The following ASCC3 variants were observed in gnomAD, a reference collection of about 807,000 sequenced individuals.
The protein encoded by ASCC3 is activating signal cointegrator 1 complex subunit 3.
Under a neutral mutation model 256.3 loss-of-function variants are expected in ASCC3, and 158 were observed. The observed-to-expected ratio is 0.62, with a 90% CI of 0.54 to 0.70. ASCC3 has a LOEUF of 0.70. ASCC3 is among the 30% of genes least tolerant of loss of function. The pLI, the probability that ASCC3 is intolerant of heterozygous loss-of-function variation, is 0.00. For synonymous variants in ASCC3, 948 were observed against 883.4 expected, an observed-to-expected ratio of 1.07 and a Z score of -1.30; for missense variants, 2,259 against 2,626.0, an observed-to-expected ratio of 0.86 and a Z score of 3.05.
chr6:100,829,220 C>T (rs1054337923), intron 4 of ASCC3, among the ~76,000 whole-genome samples: 7 of 152,294 alleles, frequency 4.6e-5, no homozygotes, highest in Non-Finnish European at 5.9e-5. Context: ...CAGACCCGCA[C>T]CGTGCACCTG....
At chr6:100,705,391 G>A (rs1201039092) in intron 13 of ASCC3, among the ~76,000 whole-genome samples, 1 of 151,980 alleles carries the variant, frequency 6.6e-6, no homozygotes, top group Non-Finnish European at 1.5e-5. Flanking sequence ...TCCAAATAAG[G>A]AGAAACAAAT....
Position 100,832,036 on chromosome 6 carries a change from T to A in ASCC3, c.801+16112A>T, listed in dbSNP as rs545553675. ...CAGAAGTAAATAGATTTTAAAAAAA[T>A]TTTAAAGTATTGAAGAGATGGAAGA... On this transcript the variant is annotated intron_variant, in intron 4 of 41. Coordinates refer to ENST00000369162, the MANE Select transcript of ASCC3 (RefSeq NM_006828.4). Among the ~76,000 whole-genome samples, 13 of 152,178 alleles carry A rather than the reference T, an allele frequency of 8.5e-5. No individual in the cohort carries two copies. The East Asian group carries it at 9.7e-4, about 11-fold the overall frequency.
chr6:100,752,243 G>A (rs745996039), intron 10 of ASCC3, among the ~76,000 whole-genome samples: 1 of 151,784 alleles, frequency 6.6e-6, no homozygotes, highest in Non-Finnish European at 1.5e-5. Flanking sequence ...ATATTATCTT[G>A]CTGGTTTGTG....
intron 1 of ASCC3, among the ~76,000 whole-genome samples, chr6:100,873,132 T>TATAATAAATAAA (rs144017505): frequency 1.3e-5 from 2 of 151,668 alleles, no homozygotes. Context: ...TTATGGAAAT[T>TATAATAAATAAA]TAAATAAACA....
intron 36 of ASCC3, among the ~76,000 whole-genome samples, chr6:100,562,509 A>G (rs1407319036): frequency 1.3e-5 from 2 of 152,096 alleles, no homozygotes; most frequent in Non-Finnish European, 2.9e-5. Flanking sequence ...CTATTGTTTG[A>G]CAAACATAAA....
intron 8 of ASCC3, among the ~76,000 whole-genome samples, chr6:100,779,172 A>T (rs944154804): frequency 6.6e-6 from 1 of 152,214 alleles, no homozygotes; most frequent in African/African-American, 2.4e-5. Context: ...ATGAAATAAT[A>T]TGCATTCATT....
At chr6:100,826,093 C>T (rs1423644132) in intron 4 of ASCC3, among the ~76,000 whole-genome samples, 2 of 151,698 alleles carry the variant, frequency 1.3e-5, no homozygotes, top group African/African-American at 4.8e-5. Flanking sequence ...AATTTTTTTT[C>T]CACATGAACT....
In ASCC3 at chr6:100,870,216, C is replaced by T. The variant is rs542144952; in HGVS notation, c.-41-2178G>A. Among the ~76,000 whole-genome samples, 44 of 70,216 alleles carry T rather than the reference C, an allele frequency of 6.3e-4. 2 individuals are homozygous for T. The East Asian group carries it at 0.021, about 33-fold the overall frequency. 46.1% of individuals were successfully genotyped at this position (70,216 alleles called of 152,430 possible). On this transcript the variant is annotated intron_variant, in intron 1 of 41. Transcript: ENST00000369162. ...TAAAAAATGCATATTTTTAAAAATG[C>T]ATTTTTAATGCATTTTTTAATGCAT...
chr6:100,843,238 G>C (rs1772230781), intron 4 of ASCC3, among the ~76,000 whole-genome samples: 1 of 152,062 alleles, frequency 6.6e-6, no homozygotes, highest in Admixed American at 6.5e-5. Context: ...ATGCAAATAA[G>C]TTCCAAAAAA....
intron 13 of ASCC3, among the ~76,000 whole-genome samples, chr6:100,710,187 GC>G (rs1276680401): frequency 2.0e-5 from 3 of 152,100 alleles, no homozygotes; most frequent in African/African-American, 7.2e-5. Flanking sequence ...TACCCACAGG[GC>G]ATTTTTAGCC....
At chr6:100,858,442 T>C in intron 3 of ASCC3, 1 of 461,470 alleles carries the variant, frequency 2.2e-6, no homozygotes, top group Non-Finnish European at 2.8e-6. Context: ...GTATGTTTTC[T>C]CCAAGTTTTT....
intron 8 of ASCC3, among the ~76,000 whole-genome samples, chr6:100,796,520 T>G (rs1769622664): frequency 6.6e-6 from 1 of 152,062 alleles, no homozygotes; most frequent in Non-Finnish European, 1.5e-5. Context: ...TACGGTTAAA[T>G]GAAGTCATGA....
chr6:100,509,106 T>C lies in ASCC3; in HGVS notation c.*280A>G, dbSNP rs1448682238. 1.7e-5 allele frequency: 7 copies of C among 411,462 alleles called. No individual in the cohort carries two copies. Among genetic ancestry groups the C allele is most frequent in the Non-Finnish European group, 2.7e-5 (6 of 220,200 alleles). The allele number at this position is 411,462 out of a possible 1,614,324, so 25.5% of individuals were successfully genotyped here. ...TTTGATTGATAGCTCCTAAATATCA[T>C]CCCAAATATACACAAATTAAAAGAT... On this transcript the variant is annotated 3_prime_UTR_variant, in exon 42 of 42. Coordinates refer to ENST00000369162, the MANE Select transcript of ASCC3 (RefSeq NM_006828.4).
chr6:100,540,489 A>G, intron 36 of ASCC3, 102 bp from the exon 37 acceptor site: 1 of 975,456 alleles, frequency 1.0e-6, no homozygotes, highest in African/African-American at 1.6e-5. Flanking sequence ...AAAATCATAC[A>G]ATAACCATAT....
At chr6:100,834,300 T>C (rs1463124736) in intron 4 of ASCC3, among the ~76,000 whole-genome samples, 4 of 152,172 alleles carry the variant, frequency 2.6e-5, no homozygotes, top group Non-Finnish European at 5.9e-5. Context: ...GTTAGCACAA[T>C]TACTATTGAT....
At chr6:100,638,929 G>C in intron 24 of ASCC3, 108 bp from the exon 25 acceptor site, 1 of 964,642 alleles carries the variant, frequency 1.0e-6, no homozygotes, top group Non-Finnish European at 1.6e-6. Context: ...CTTAGACAAG[G>C]AGAAAAAACA....
chr6:100,695,177 T>C (rs921702366), intron 13 of ASCC3, among the ~76,000 whole-genome samples: 1 of 152,128 alleles, frequency 6.6e-6, no homozygotes, highest in African/African-American at 2.4e-5. Context: ...AAATAATTGA[T>C]ATACGCTCTT....
Position 100,627,854 on chromosome 6 carries a change from G to T in ASCC3, c.4509C>A (p.Leu1503=). 6.2e-7 allele frequency: 1 copy of T among 1,613,448 alleles called. No individual in the cohort carries two copies. The highest frequency in any genetic ancestry group is 8.5e-7 in the Non-Finnish European group (1 of 1,179,758). The change falls in exon 28 of 42, where the codon CTC becomes CTA. Residue 1503 remains leucine, a synonymous_variant. Coordinates refer to ENST00000369162, the MANE Select transcript of ASCC3 (RefSeq NM_006828.4). ...ATCTTCTACATACCTGCTTAATATT[G>T]AGCCAATCAGCAAGGTCTCTGGCAT... is the stretch of plus-strand genomic sequence containing the variant. ...LANARDLADW[L]NIKQMGLFNF... is the part of the protein sequence containing the mutation.
chr6:100,780,928 C>CTGA (rs929205645), intron 8 of ASCC3, among the ~76,000 whole-genome samples: 2 of 152,180 alleles, frequency 1.3e-5, no homozygotes, highest in Admixed American at 1.3e-4. Flanking sequence ...AATACATCAC[C>CTGA]TGATCAAATG....
Sources: allele counts gnomAD v4.1 joint callset (sites outside exome capture counted in the v4.1 genomes callset), GRCh38; gene constraint gnomAD v4.1.1; transcripts MANE v1.5; gene names NCBI Gene and HGNC (gene_info 2026-07-23, HGNC 2026-07-21).